TEX14: variants seen among roughly 807,000 people sequenced by gnomAD.
The protein encoded by TEX14 is inactive serine/threonine-protein kinase TEX14.
A neutral mutation model predicts 178.6 loss-of-function variants in TEX14; 168 were observed. The observed-to-expected ratio is 0.94, with a 90% CI of 0.83 to 1.07. The LOEUF (loss-of-function observed/expected upper bound fraction) is 1.07. Among genes scored for constraint, TEX14 ranks in the 50% least tolerant of loss-of-function variants. TEX14 has a pLI of 0.00. For missense variants in TEX14, 1,730 were observed against 1,753.6 expected (o/e 0.99, Z 0.24); for synonymous variants, 626 against 634.1 (o/e 0.99, Z 0.19).
chr17:58,565,734 G>C lies in TEX14; in HGVS notation c.3964+13C>G. On this transcript the variant is annotated intron_variant, in intron 27 of 31. Transcript: ENST00000349033. Reference sequence around the variant, plus strand: ...AAAGAACCTGATGAAAACAATCTAGGTAGTTCACTTACCATTTGCAGTGCC... The same window carrying C: ...AAAGAACCTGATGAAAACAATCTAGCTAGTTCACTTACCATTTGCAGTGCC... 6.3e-7 allele frequency: 1 copy of C among 1,593,764 alleles called. No individual in the cohort carries two copies. The highest frequency in any genetic ancestry group is 8.6e-7 in the Non-Finnish European group (1 of 1,165,290).
At chr17:58,690,696 G>C (rs1192278643) in intron 1 of TEX14, among the ~76,000 whole-genome samples, 1 of 152,160 alleles carries the variant, frequency 6.6e-6, no homozygotes, top group Admixed American at 6.5e-5. Context: ...TTAAGCAATG[G>C]GTTGAGTGGC....
intron 31 of TEX14, 95 bp from the exon 32 acceptor site, chr17:58,557,142 A>G: frequency 1.9e-6 from 2 of 1,038,612 alleles, no homozygotes; most frequent in Non-Finnish European, 3.0e-6. Flanking sequence ...CTATTCAATT[A>G]AATTCAAGGG....
At chr17:58,628,488 G>A (rs1332519006) in intron 3 of TEX14, among the ~76,000 whole-genome samples, 3 of 152,232 alleles carry the variant, frequency 2.0e-5, no homozygotes, top group South Asian at 2.1e-4. Flanking sequence ...TAAGGCGGGC[G>A]GATCATGAGG....
At chr17:58,572,890 A>G (rs189780996) in intron 23 of TEX14, among the ~76,000 whole-genome samples, 66 of 152,390 alleles carry the variant, frequency 4.3e-4, no homozygotes, top group Middle Eastern at 3.4e-3. Context: ...CAAACTCTAC[A>G]AAGCTCAATG....
At chr17:58,659,468 C>G (rs1052957699) in intron 1 of TEX14, 12 of 284,170 alleles carry the variant, frequency 4.2e-5, no homozygotes, top group Non-Finnish European at 6.3e-5. Flanking sequence ...GAAAATTTCT[C>G]CCGCGAAGAA....
intron 1 of TEX14, among the ~76,000 whole-genome samples, chr17:58,663,921 C>T (rs1056394767): frequency 1.3e-5 from 2 of 152,122 alleles, no homozygotes; most frequent in Non-Finnish European, 2.9e-5. Flanking sequence ...CTCATGCCTG[C>T]AATCCCATCA....
At position 58,659,286 on chromosome 17, in the gene TEX14, CT is replaced by C. The variant is rs1023243656; in HGVS notation, c.-1-7285del. 5.2e-4 allele frequency: 494 copies of C among 951,032 alleles called. 2 individuals carry two copies. The African/African-American group carries it at 8.3e-3, about 16-fold the overall frequency. 58.9% of individuals were successfully genotyped at this position (951,032 alleles called of 1,614,324 possible). A position where few individuals can be genotyped will look rare whatever the true frequency, so the allele number is the denominator to read the frequency against. On this transcript the variant is annotated intron_variant, in intron 1 of 31. Coordinates refer to ENST00000349033, the MANE Select transcript of TEX14 (RefSeq NM_031272.5). ...CACTTTATCAGGACCAACAGCGTCT[CT>C]CCCCCGCCACAAAGACATTATTTAC...
At chr17:58,662,415 T>TCTCACACA (rs376916506) in intron 1 of TEX14, among the ~76,000 whole-genome samples, 2 of 114,996 alleles carry the variant, frequency 1.7e-5, no homozygotes, top group African/African-American at 5.5e-5. Flanking sequence ...CACACATATC[T>TCTCACACA]CACACACACA....
intron 4 of TEX14, among the ~76,000 whole-genome samples, chr17:58,622,377 C>T (rs1197620644): frequency 6.6e-6 from 1 of 150,848 alleles, no homozygotes; most frequent in Admixed American, 6.7e-5. Context: ...ACCCAGGAGG[C>T]GGAGGTTGCA....
chr17:58,680,950 G>A (rs1401072746), intron 1 of TEX14, among the ~76,000 whole-genome samples: 1 of 151,972 alleles, frequency 6.6e-6, no homozygotes, highest in East Asian at 1.9e-4. Context: ...TCAAGCTCAC[G>A]GTTTTCCATC....
At chr17:58,670,132 CCT>C (rs879815817) in intron 1 of TEX14, among the ~76,000 whole-genome samples, 8 of 152,180 alleles carry the variant, frequency 5.3e-5, no homozygotes, top group Non-Finnish European at 1.0e-4. Context: ...CGCTGAGCTC[CCT>C]CTGTTATCAT....
chr17:58,625,737 C>T (rs1164115402), intron 3 of TEX14, among the ~76,000 whole-genome samples: 1 of 152,008 alleles, frequency 6.6e-6, no homozygotes, highest in Non-Finnish European at 1.5e-5. Context: ...TGGGAGCTTT[C>T]ATTTATTTGT....
At chr17:58,691,754 T>C (rs2047733608) in intron 1 of TEX14, among the ~76,000 whole-genome samples, 185 bp downstream of exon 1, 1 of 150,626 alleles carries the variant, frequency 6.6e-6, no homozygotes, top group Admixed American at 6.6e-5. Flanking sequence ...AGGAAGGAAC[T>C]CATAAACCAC....
At position 58,613,466 on chromosome 17, in the gene TEX14, G is replaced by C; in HGVS notation, c.960C>G (p.Tyr320Ter). Residue 320 changes from tyrosine to a stop codon, truncating the protein, a stop_gained, in exon 9 of 32, where the codon TAC becomes TAG. Coordinates refer to ENST00000349033, the MANE Select transcript of TEX14 (RefSeq NM_031272.5). LOFTEE classifies it high-confidence loss of function. ...ACAATGTGCCGATAGTGATGCGCTC[G>C]TACACAAGGCGGGTTTTCTCTAGGT... Reference protein sequence around the residue: ...SQDLEKTRLVYERITIGTLFS... With the variant: ...SQDLEKTRLV 1 of 1,613,986 alleles carries C rather than the reference G, an allele frequency of 6.2e-7. No individual in the cohort carries two copies. Among genetic ancestry groups the C allele is most frequent in the Non-Finnish European group, 8.5e-7 (1 of 1,179,924 alleles).
chr17:58,642,174 T>C (rs2046590671), intron 2 of TEX14, among the ~76,000 whole-genome samples: 2 of 152,244 alleles, frequency 1.3e-5, no homozygotes, highest in African/African-American at 4.8e-5. Context: ...ACATCTCAGA[T>C]ATGATGATGT....
intron 9 of TEX14, among the ~76,000 whole-genome samples, chr17:58,612,197 T>A (rs2045761235): frequency 6.6e-6 from 1 of 151,978 alleles, no homozygotes. Flanking sequence ...AGAGCACAAA[T>A]GAAAATGTAG....
intron 2 of TEX14, chr17:58,631,775 A>G (rs542120606): frequency 8.5e-5 from 13 of 152,242 alleles, no homozygotes; most frequent in African/African-American, 2.6e-4. Flanking sequence ...CCAGCGTTCT[A>G]CACGTTCAGA....
At chr17:58,586,389 T>C (rs1314819837) in intron 17 of TEX14, among the ~76,000 whole-genome samples, 1 of 152,122 alleles carries the variant, frequency 6.6e-6, no homozygotes, top group East Asian at 1.9e-4. Flanking sequence ...ACAGGAAAAA[T>C]GACATCTATA....
At chr17:58,631,639 G>C (rs117829037) in intron 2 of TEX14, 2 of 146,004 alleles carry the variant, frequency 1.4e-5, no homozygotes, top group Admixed American at 1.4e-4. Context: ...AAAAAACCCA[G>C]AACTACTCAG....
Sources: gnomAD v4.1 joint callset for allele counts (sites outside exome capture counted in the v4.1 genomes callset) on GRCh38, gnomAD v4.1.1 for gene constraint, MANE v1.5 for transcripts, NCBI Gene and HGNC (gene_info 2026-07-23, HGNC 2026-07-21) for gene names.